GRHL2: variants seen among roughly 807,000 people sequenced by gnomAD.
GRHL2 encodes the protein grainyhead like transcription factor 2.
Under a neutral mutation model 83.8 loss-of-function variants are expected in GRHL2, and 21 were observed. The ratio of observed to expected loss-of-function variants is 0.25; its 90% CI spans 0.18 to 0.36. The LOEUF (loss-of-function observed/expected upper bound fraction) is 0.36, where lower values mean the gene tolerates loss of function less well. GRHL2 is among the 10% of genes least tolerant of loss of function. The probability of loss-of-function intolerance (pLI) is 1.00; values close to 1 mark genes in which losing one functional copy is unlikely to be tolerated. For synonymous variants in GRHL2, 280 were observed against 278.9 expected, an observed-to-expected ratio of 1.00 and a Z score of -0.04; for missense variants, 623 against 781.8, an observed-to-expected ratio of 0.80 and a Z score of 2.42.
chr8:101,567,346 C>T (rs1199183798), intron 4 of GRHL2, among the ~76,000 whole-genome samples: 1 of 152,142 alleles, frequency 6.6e-6, no homozygotes, highest in East Asian at 1.9e-4. Context: ...CTTTTGGCAT[C>T]CTACAAATTA....
the GRHL2 span, among the ~76,000 whole-genome samples, chr8:101,679,688 A>T: frequency 1.3e-5 from 2 of 151,578 alleles, no homozygotes; most frequent in East Asian, 3.9e-4. Context: ...AGGTCAGGTT[A>T]CCCTCAAAGG....
Position 101,540,052 on chromosome 8 carries a change from ACTTCAATTTCC to A in GRHL2, c.21-3180_21-3170del, listed in dbSNP as rs554749186. ...TTTAAAGAATATTGTTGAATGAACAACTTCAATTTCCCTTCAATTAATGATTATCTTTAAGA... is the reference window on the plus strand; with the variant it reads ...TTTAAAGAATATTGTTGAATGAACAACTTCAATTAATGATTATCTTTAAGA... On this transcript the variant is annotated intron_variant, in intron 1 of 15. Coordinates refer to ENST00000646743, the MANE Select transcript of GRHL2 (RefSeq NM_024915.4). Among the ~76,000 whole-genome samples the A allele has an allele frequency of 3.5e-4, 53 of 152,342 alleles. No individual in the cohort carries two copies. The East Asian group carries it at 0.01, about 29-fold the overall frequency.
chr8:101,672,200 T>A (rs1301730118), downstream of GRHL2, among the ~76,000 whole-genome samples: 1 of 151,682 alleles, frequency 6.6e-6, no homozygotes, highest in Non-Finnish European at 1.5e-5. Flanking sequence ...CAAAGCTGGA[T>A]GGGGAATGAC....
chr8:101,611,339 T>G (rs986223827), intron 8 of GRHL2, among the ~76,000 whole-genome samples: 3 of 150,868 alleles, frequency 2.0e-5, no homozygotes, highest in African/African-American at 7.4e-5. Context: ...TCACAAAACT[T>G]CACTTGTGAG....
chr8:101,499,277 TA>T (rs1695197495), intron 1 of GRHL2, among the ~76,000 whole-genome samples: 4 of 152,356 alleles, frequency 2.6e-5, no homozygotes, highest in African/African-American at 9.6e-5. Context: ...CTTTATGGCT[TA>T]TGGTCTAACT....
At chr8:101,577,373 A>G (rs1811953882) in intron 6 of GRHL2, 35 bp from the exon 7 acceptor site, 3 of 1,394,152 alleles carry the variant, frequency 2.2e-6, no homozygotes, top group Non-Finnish European at 2.0e-6. Flanking sequence ...GAGGCACTGA[A>G]CAAAAAGTAA....
At chr8:101,643,557 G>A (rs926480501) in intron 12 of GRHL2, among the ~76,000 whole-genome samples, 2 of 152,136 alleles carry the variant, frequency 1.3e-5, no homozygotes, top group African/African-American at 4.8e-5. Flanking sequence ...AGGAGCAAAG[G>A]CCTGGGCAGC....
chr8:101,614,816 C>T (rs909785053), intron 8 of GRHL2, among the ~76,000 whole-genome samples: 7 of 152,198 alleles, frequency 4.6e-5, no homozygotes, highest in African/African-American at 1.7e-4. Flanking sequence ...TGCCCACCCC[C>T]AATTTCAGTT....
At chr8:101,564,694 C>T (rs565744168) in intron 4 of GRHL2, among the ~76,000 whole-genome samples, 1 of 151,372 alleles carries the variant, frequency 6.6e-6, no homozygotes, top group South Asian at 2.1e-4. Flanking sequence ...CACCTGTAGT[C>T]CGAGCTGCTT....
intron 7 of GRHL2, among the ~76,000 whole-genome samples, chr8:101,586,015 T>C (rs1252154912): frequency 2.0e-5 from 3 of 151,280 alleles, no homozygotes; most frequent in African/African-American, 7.3e-5. Flanking sequence ...CCCTGCAGAC[T>C]CTCTTTCAAG....
chr8:101,551,910 A>G (rs896322771), intron 2 of GRHL2, among the ~76,000 whole-genome samples: 2 of 149,700 alleles, frequency 1.3e-5, no homozygotes, highest in South Asian at 4.3e-4. Flanking sequence ...ATCTCGGCTC[A>G]CTGCAAGCTC....
intron 12 of GRHL2, among the ~76,000 whole-genome samples, chr8:101,640,488 T>C (rs996593543): frequency 3.3e-5 from 5 of 152,214 alleles, no homozygotes; most frequent in African/African-American, 4.8e-5. Context: ...ATGTCTCTTA[T>C]GGAGAAAGAG....
At chr8:101,515,877 C>T (rs1020460049) in intron 1 of GRHL2, among the ~76,000 whole-genome samples, 10 of 152,120 alleles carry the variant, frequency 6.6e-5, no homozygotes, top group Admixed American at 2.6e-4. Flanking sequence ...AGTTACTGTA[C>T]GTAGTGTGTC....
intron 7 of GRHL2, among the ~76,000 whole-genome samples, 175 bp from the exon 8 acceptor site, chr8:101,598,882 A>G (rs938640516): frequency 1.1e-4 from 17 of 152,218 alleles, no homozygotes; most frequent in African/African-American, 4.1e-4. Context: ...TTACATTCTT[A>G]TAGAGTAAGT....
chr8:101,566,623 ATATT>A (rs1302133452), intron 4 of GRHL2, among the ~76,000 whole-genome samples: 1 of 148,294 alleles, frequency 6.7e-6, no homozygotes, highest in Non-Finnish European at 1.5e-5. Flanking sequence ...TAATATAATT[ATATT>A]TATTATATCT....
intron 14 of GRHL2, among the ~76,000 whole-genome samples, chr8:101,660,621 T>C (rs1477597963): frequency 6.6e-6 from 1 of 152,170 alleles, no homozygotes; most frequent in African/African-American, 2.4e-5. Context: ...TGTGGCTTCT[T>C]ACTTTCTCTT....
chr8:101,538,277 G>A (rs898529617), intron 1 of GRHL2, among the ~76,000 whole-genome samples: 2 of 152,120 alleles, frequency 1.3e-5, no homozygotes, highest in African/African-American at 4.8e-5. Context: ...GCATGGAGGG[G>A]GCTGTCCAGG....
chr8:101,512,250 A>C (rs1049769948), intron 1 of GRHL2, among the ~76,000 whole-genome samples: 52 of 152,216 alleles, frequency 3.4e-4, no homozygotes, highest in Middle Eastern at 3.4e-3. Flanking sequence ...AACTTTATGA[A>C]TAACTTTAGT....
chr8:101,643,942 G>A (rs534891755), intron 12 of GRHL2, among the ~76,000 whole-genome samples, 189 bp from the exon 13 acceptor site: 2 of 152,350 alleles, frequency 1.3e-5, no homozygotes, highest in South Asian at 4.1e-4. Context: ...TAAAGATAGT[G>A]GTGTGTGTGC....
Sources: gnomAD v4.1 joint callset for allele counts (sites outside exome capture counted in the v4.1 genomes callset) on GRCh38, gnomAD v4.1.1 for gene constraint, MANE v1.5 for transcripts, NCBI Gene and HGNC (gene_info 2026-07-23, HGNC 2026-07-21) for gene names.